CDH7: variants seen among roughly 807,000 people sequenced by gnomAD.
CDH7 encodes the protein cadherin 7, also known as cadherin-7.
Under a neutral mutation model 71.8 loss-of-function variants are expected in CDH7, and 25 were observed. The ratio of observed to expected loss-of-function variants is 0.35; its 90% confidence interval spans 0.25 to 0.49. The LOEUF (loss-of-function observed/expected upper bound fraction) is 0.49, where lower values mean the gene tolerates loss of function less well. Ranked by LOEUF, CDH7 falls within the 20% of genes least tolerant of loss-of-function variation. The probability of loss-of-function intolerance (pLI) is 0.99; values close to 1 mark genes in which losing one functional copy is unlikely to be tolerated. For missense variants in CDH7, 862 were observed against 974.6 expected (o/e 0.88, Z 1.54); for synonymous variants, 381 against 363.8 (o/e 1.05, Z -0.54).
chr18:65,790,220 C>CAAAAAAA (rs10552878), intron 2 of CDH7, among the ~76,000 whole-genome samples: 7 of 66,502 alleles, frequency 1.1e-4, no homozygotes, highest in Non-Finnish European at 1.8e-4. Flanking sequence ...GACTCTCTCT[C>CAAAAAAA]AAAAAAAAAA....
rs1915858050 is a variant in CDH7 at position 65,751,046 on chromosome 18, T to A, written c.-301T>A. On this transcript the variant is annotated 5_prime_UTR_variant, in exon 1 of 12. Transcript: ENST00000397968. ...CGCGCGCGGAGCTGCGCGCACTGGG[T>A]CCCCAAGAGCCCGCGGGCGTCCGGC... The A allele has an allele frequency of 6.6e-6, 1 of 152,094 alleles. No individual in the cohort carries two copies. Among genetic ancestry groups the A allele is most frequent in the Admixed American group, 6.5e-5 (1 of 15,278 alleles). 9.4% of individuals were successfully genotyped at this position (152,094 alleles called of 1,614,324 possible). A position where few individuals can be genotyped will look rare whatever the true frequency, so the allele number is the denominator to read the frequency against.
rs1568238291 is a variant in CDH7, at chr18:65,885,579, C to G, written c.*4685C>G. On this transcript the variant is annotated 3_prime_UTR_variant, in exon 12 of 12. Transcript: ENST00000397968. ...ATTTTTAGTACAGACGGGGTTTCAC[C>G]GTGGTCTCGATCTCCTGACCTCGTG... 2 of 151,378 alleles carry G rather than the reference C, an allele frequency of 1.3e-5. No individual in the cohort carries two copies. Among genetic ancestry groups the G allele is most frequent in the African/African-American group, 4.9e-5 (2 of 41,232 alleles). 9.4% of individuals were successfully genotyped at this position (151,378 alleles called of 1,614,324 possible).
In CDH7 at chr18:65,822,203, G is replaced by C. The variant is rs1911959319; in HGVS notation, c.748G>C (p.Val250Leu). ...ACTGTCAGGAACTACATCAGTCACTGTGACCCTAACTGATGTCAACGATAA... is the reference window on the plus strand; with the variant it reads ...ACTGTCAGGAACTACATCAGTCACTCTGACCCTAACTGATGTCAACGATAA... ...GGLSGTTSVT[V>L]TLTDVNDNPP... The change falls in exon 5 of 12, where the codon GTG becomes CTG. Residue 250 changes from valine to leucine, a missense_variant. Coordinates refer to ENST00000397968, the MANE Select transcript of CDH7 (RefSeq NM_004361.5). 1 of 1,613,558 alleles carries C rather than the reference G, an allele frequency of 6.2e-7. No individual in the cohort carries two copies. Among genetic ancestry groups the C allele is most frequent in the Non-Finnish European group, 8.5e-7 (1 of 1,179,642 alleles).
At chr18:65,758,985 C>T (rs1916110639) in intron 1 of CDH7, among the ~76,000 whole-genome samples, 1 of 152,134 alleles carries the variant, frequency 6.6e-6, no homozygotes, top group African/African-American at 2.4e-5. Flanking sequence ...GCTCAATTAT[C>T]AAGTATCTTC....
chr18:65,862,990 T>A (rs1913632479), intron 11 of CDH7, 73 bp downstream of exon 11: 1 of 1,492,976 alleles, frequency 6.7e-7, no homozygotes, highest in Non-Finnish European at 9.2e-7. Flanking sequence ...GCCTATTATC[T>A]TCTCCATTTG....
At chr18:65,862,528 A>G in intron 10 of CDH7, 138 bp from the exon 11 acceptor site, 1 of 798,146 alleles carries the variant, frequency 1.3e-6, no homozygotes, top group Non-Finnish European at 2.0e-6. Context: ...GAATTGAAAG[A>G]AAATTGTTGA....
chr18:65,813,328 A>G (rs140612099), intron 3 of CDH7, among the ~76,000 whole-genome samples: 2,437 of 152,302 alleles, frequency 0.016, 53 homozygotes, highest in African/African-American at 0.055. Flanking sequence ...GCAAAACTCC[A>G]TCTGAAAATA....
chr18:65,851,805 C>G (rs56679707), intron 7 of CDH7, among the ~76,000 whole-genome samples: 3,795 of 152,172 alleles, frequency 0.025, 153 homozygotes, highest in African/African-American at 0.087. Context: ...CCAATTAGAA[C>G]AGTAGGTTAG....
chr18:65,888,742 A>AC lies in CDH7; in HGVS notation c.*7848_*7849insC, dbSNP rs1914435796. The AC allele has an allele frequency of 6.7e-6, 1 of 148,846 alleles. No homozygotes were observed. Among genetic ancestry groups the AC allele is most frequent in the Admixed American group, 6.7e-5 (1 of 14,862 alleles). The allele number at this position is 148,846 out of a possible 1,614,324, so 9.2% of individuals were successfully genotyped here. ...GCCCAGAATAACTGTAACTTATGCA[A>AC]ACACACACACACACACACACACTCA... is the stretch of plus-strand genomic sequence containing the variant. On this transcript the variant is annotated 3_prime_UTR_variant, in exon 12 of 12. Coordinates refer to ENST00000397968, the MANE Select transcript of CDH7 (RefSeq NM_004361.5).
chr18:65,821,942 T>C, intron 4 of CDH7, 139 bp from the exon 5 acceptor site: 1 of 647,350 alleles, frequency 1.5e-6, no homozygotes, highest in South Asian at 1.9e-5. Flanking sequence ...TGGTCTTTAA[T>C]ACACAGTAAA....
At chr18:65,877,423 C>T (rs1200916732) in intron 11 of CDH7, among the ~76,000 whole-genome samples, 1 of 151,862 alleles carries the variant, frequency 6.6e-6, no homozygotes, top group East Asian at 1.9e-4. Flanking sequence ...ATATTTATGA[C>T]AAAATTTATT....
Position 65,794,135 on chromosome 18 carries a change from G to A in CDH7, c.211-15569G>A, listed in dbSNP as rs139800076. Among the ~76,000 whole-genome samples the A allele has an allele frequency of 1.7e-3, 262 of 151,420 alleles. 1 individual carries two copies. The highest frequency in any genetic ancestry group is 6.2e-3 in the African/African-American group (253 of 41,116). ...TTTACCTTGCAAAATCAGGATACTTGTTATGATAAATAACATGTTAAAGTG... is the reference window on the plus strand; with the variant it reads ...TTTACCTTGCAAAATCAGGATACTTATTATGATAAATAACATGTTAAAGTG... On this transcript the variant is annotated intron_variant, in intron 2 of 11. Coordinates refer to ENST00000397968, the MANE Select transcript of CDH7 (RefSeq NM_004361.5).
At chr18:65,859,883 A>G (rs1568225181) in intron 10 of CDH7, 58 bp downstream of exon 10, 4 of 1,018,844 alleles carry the variant, frequency 3.9e-6, no homozygotes, top group Non-Finnish European at 6.2e-6. Context: ...CTAAGCAAGT[A>G]TTTTTCTCCC....
chr18:65,839,154 T>C (rs776661190), intron 6 of CDH7, among the ~76,000 whole-genome samples: 2 of 152,184 alleles, frequency 1.3e-5, no homozygotes, highest in Non-Finnish European at 2.9e-5. Flanking sequence ...CTTTTTGGAC[T>C]TTTACTAGAA....
intron 11 of CDH7, 57 bp from the exon 12 acceptor site, chr18:65,880,344 G>T: frequency 6.7e-7 from 1 of 1,499,656 alleles, no homozygotes; most frequent in South Asian, 1.4e-5. Flanking sequence ...ATTTTACCAT[G>T]ACGTGGGGCA....
At chr18:65,821,944 C>T (rs1911945189) in intron 4 of CDH7, 137 bp from the exon 5 acceptor site, 1 of 646,206 alleles carries the variant, frequency 1.5e-6, no homozygotes, top group Non-Finnish European at 2.7e-6. Context: ...GTCTTTAATA[C>T]ACAGTAAAAT....
chr18:65,875,730 A>G (rs1914054928), intron 11 of CDH7, among the ~76,000 whole-genome samples: 1 of 152,150 alleles, frequency 6.6e-6, no homozygotes, highest in African/African-American at 2.4e-5. Flanking sequence ...GAGCTCAAGG[A>G]GTTCGAGACC....
At chr18:65,845,839 C>G (rs1912915933) in intron 7 of CDH7, among the ~76,000 whole-genome samples, 2 of 152,016 alleles carry the variant, frequency 1.3e-5, no homozygotes. Context: ...AGGAGGATCA[C>G]TTGAGACCAG....
At chr18:65,785,902 T>C (rs1055708193) in intron 2 of CDH7, among the ~76,000 whole-genome samples, 1 of 152,198 alleles carries the variant, frequency 6.6e-6, no homozygotes, top group African/African-American at 2.4e-5. Flanking sequence ...CAGTAGAATA[T>C]GTTAACCAGC....
Sources: gnomAD v4.1 joint callset for allele counts (sites outside exome capture counted in the v4.1 genomes callset) on GRCh38, gnomAD v4.1.1 for gene constraint, MANE v1.5 for transcripts, NCBI Gene and HGNC (gene_info 2026-07-23, HGNC 2026-07-21) for gene names.